The following EPB42 variants were observed in gnomAD, a reference collection of about 807,000 sequenced individuals.
The protein encoded by EPB42 is protein 4.2.
Under a neutral mutation model 76.9 loss-of-function variants are expected in EPB42, and 49 were observed. That is an observed-to-expected ratio of 0.64 (90% confidence interval 0.51 to 0.81). The LOEUF (loss-of-function observed/expected upper bound fraction) is 0.81, where lower values mean the gene tolerates loss of function less well. Among genes scored for constraint, EPB42 ranks in the 30% least tolerant of loss-of-function variants. EPB42 has a pLI of 0.00. For synonymous variants in EPB42, 310 were observed against 338.4 expected (o/e 0.92, Z 0.92); for missense variants, 731 against 867.6 (o/e 0.84, Z 1.98).
chr15:43,208,301 G>A lies in EPB42; in HGVS notation c.1004C>T (p.Thr335Met), dbSNP rs1363841649. ...IFQTSTECWM[T>M]RPALPQGYDG... Reference sequence around the variant, plus strand: ...ATAACCCTGGGGCAAGGCAGGCCGCGTCATCCAGCACTCTGTGGAAGTCTG... The same window carrying A: ...ATAACCCTGGGGCAAGGCAGGCCGCATCATCCAGCACTCTGTGGAAGTCTG... The change falls in exon 8 of 13, where the codon ACG becomes ATG. Residue 335 changes from threonine (T) to methionine (M), a missense_variant. Transcript: ENST00000441366. 9 of 1,614,128 alleles carry A rather than the reference G, an allele frequency of 5.6e-6. No homozygotes were observed. The highest frequency in any genetic ancestry group is 4.5e-5 in the East Asian group (2 of 44,878).
chr15:43,216,457 T>C lies in EPB42; in HGVS notation c.11-4A>G, dbSNP rs2042381223. ...TCACAGCTCTTGATACCCAGGGCTG[T>C]TGTGGGAAAGAGAGAAGTCACGGAA... is the stretch of plus-strand genomic sequence containing the variant. On this transcript the variant is annotated splice_region_variant and splice_polypyrimidine_tract_variant and intron_variant, in intron 1 of 12. Coordinates refer to ENST00000441366, the MANE Select transcript of EPB42 (RefSeq NM_001114134.2). 6.2e-7 allele frequency: 1 copy of C among 1,613,992 alleles called. No homozygotes were observed. The highest frequency in any genetic ancestry group is 8.5e-7 in the Non-Finnish European group (1 of 1,180,020).
chr15:43,225,695 A>G (rs2042501935), upstream of EPB42, among the ~76,000 whole-genome samples: 1 of 152,178 alleles, frequency 6.6e-6, no homozygotes, highest in South Asian at 2.1e-4. Flanking sequence ...TTTCTCTGTC[A>G]AGTGTGCCAA....
In EPB42 at chr15:43,209,187, A is replaced by G; in HGVS notation, c.832+87T>C. ...GGAAATGCGGCCGCAGGGAGGCAGC[A>G]CCTGCTTTTGGAGATGTCCTTCCCA... On this transcript the variant is annotated intron_variant, in intron 6 of 12. Coordinates refer to ENST00000441366, the MANE Select transcript of EPB42 (RefSeq NM_001114134.2). 4 of 1,492,692 alleles carry G rather than the reference A, an allele frequency of 2.7e-6. No homozygotes were observed. In the South Asian group the frequency reaches 4.5e-5, roughly 17 times the overall value. The allele number at this position is 1,492,692 out of a possible 1,614,324, so 92.5% of individuals were successfully genotyped here. A position where few individuals can be genotyped will look rare whatever the true frequency, so the allele number is the denominator to read the frequency against.
intron 6 of EPB42, 21 bp downstream of exon 6, chr15:43,209,253 A>G (rs1327697341): frequency 1.2e-6 from 2 of 1,613,824 alleles, no homozygotes; most frequent in South Asian, 2.2e-5. Flanking sequence ...AGGGCACTCT[A>G]CAGGAGACAA....
In EPB42 at chr15:43,203,332, C is replaced by A; in HGVS notation, c.1619-57G>T. ...ACAGGTGTATGTACCCCAGAAACAG[C>A]CATAGTTACACACACAATACAAAGG... On this transcript the variant is annotated intron_variant, in intron 10 of 12. Transcript: ENST00000441366. 4 of 1,605,636 alleles carry A rather than the reference C, an allele frequency of 2.5e-6. No individual in the cohort carries two copies. The South Asian group carries it at 4.4e-5, about 18-fold the overall frequency.
chr15:43,212,369 C>CAAAAAA (rs35031544), intron 3 of EPB42, among the ~76,000 whole-genome samples: 8 of 86,804 alleles, frequency 9.2e-5, no homozygotes, highest in East Asian at 5.9e-4. Context: ...AACTCCGTCT[C>CAAAAAA]AAAAAAAAAA....
At chr15:43,214,201 A>G (rs1274238179) in intron 3 of EPB42, among the ~76,000 whole-genome samples, 1 of 152,192 alleles carries the variant, frequency 6.6e-6, no homozygotes, top group African/African-American at 2.4e-5. Context: ...GCAAAGACAG[A>G]CACAATCTTC....
intron 8 of EPB42, 115 bp from the exon 9 acceptor site, chr15:43,207,556 G>A: frequency 6.6e-7 from 1 of 1,522,614 alleles, no homozygotes; most frequent in South Asian, 1.2e-5. Flanking sequence ...CGAGGACCAA[G>A]GTCAGAGGTG....
chr15:43,206,143 T>C lies in EPB42; in HGVS notation c.1618+187A>G. The C allele has an allele frequency of 1.6e-6, 1 of 631,988 alleles. No individual in the cohort carries two copies. The highest frequency in any genetic ancestry group is 2.6e-6 in the Non-Finnish European group (1 of 382,960). 39.1% of individuals were successfully genotyped at this position (631,988 alleles called of 1,614,324 possible). On this transcript the variant is annotated intron_variant, in intron 10 of 12. Coordinates refer to ENST00000441366, the MANE Select transcript of EPB42 (RefSeq NM_001114134.2). This position sits in a 1 kb window ranked among gnomAD's most constrained non-coding sequence, Gnocchi z 4.7. ...CTGACTGCAGTTGGCATCGTGTTTT[T>C]TTCCTGCTTCAGGCCCAATAAATAT...
chr15:43,215,417 G>T lies in EPB42; in HGVS notation c.197-89C>A, dbSNP rs1596417130. The T allele has an allele frequency of 2.1e-6, 3 of 1,423,068 alleles. No individual in the cohort carries two copies. The East Asian group carries it at 6.8e-5, about 32-fold the overall frequency. The allele number at this position is 1,423,068 out of a possible 1,614,324, so 88.2% of individuals were successfully genotyped here. On this transcript the variant is annotated intron_variant, in intron 2 of 12. Coordinates refer to ENST00000441366, the MANE Select transcript of EPB42 (RefSeq NM_001114134.2). ...TCAGGGTATTACAAAGATGGAGCAG[G>T]TGAAATTTGTTTTTGGAGGATAATG...
chr15:43,220,566 C>T (rs572919891), intron 1 of EPB42, among the ~76,000 whole-genome samples: 135 of 152,098 alleles, frequency 8.9e-4, no homozygotes, highest in African/African-American at 3.2e-3. Context: ...CCATCACCTC[C>T]GCCTCCGCCT....
intron 7 of EPB42, 34 bp from the exon 8 acceptor site, chr15:43,208,367 A>G: frequency 6.2e-7 from 1 of 1,604,078 alleles, no homozygotes. Context: ...TCAAGTGGGA[A>G]AGAAAACGAG....
intron 10 of EPB42, among the ~76,000 whole-genome samples, chr15:43,205,156 C>A (rs1014714449): frequency 1.3e-5 from 2 of 152,144 alleles, no homozygotes; most frequent in African/African-American, 2.4e-5. Context: ...AAAACTCAAA[C>A]TCCTTAGCAA....
At chr15:43,223,212 G>A (rs141511730), upstream of EPB42, among the ~76,000 whole-genome samples, 7,210 of 152,234 alleles carry the variant, frequency 0.047, 568 homozygotes, top group African/African-American at 0.16. Context: ...AGCTACTTGG[G>A]AGGCTGAGGC....
chr15:43,210,225 G>A lies in EPB42; in HGVS notation c.654+110C>T. On this transcript the variant is annotated intron_variant, in intron 5 of 12. Coordinates refer to ENST00000441366, the MANE Select transcript of EPB42 (RefSeq NM_001114134.2). ...GAACTGTCCCCACACCCTGGGAGGA[G>A]GGGGCCATTTGTGATTTGGGGGTTT... is the stretch of plus-strand genomic sequence containing the variant. 3.2e-6 allele frequency: 3 copies of A among 937,700 alleles called. No homozygotes were observed. In the South Asian group the frequency reaches 3.9e-5, roughly 12 times the overall value. The allele number at this position is 937,700 out of a possible 1,614,324, so 58.1% of individuals were successfully genotyped here. A position where few individuals can be genotyped will look rare whatever the true frequency, so the allele number is the denominator to read the frequency against.
At chr15:43,210,233 T>G in intron 5 of EPB42, 102 bp downstream of exon 5, 1 of 1,008,374 alleles carries the variant, frequency 9.9e-7, no homozygotes, top group Non-Finnish European at 1.6e-6. Flanking sequence ...GAGGGGGCCA[T>G]TTGTGATTTG....
At position 43,207,338 on chromosome 15, in the gene EPB42, A is replaced by G; in HGVS notation, c.1179T>C (p.Cys393=). The G allele has an allele frequency of 6.2e-7, 1 of 1,614,224 alleles. No individual in the cohort carries two copies. The highest frequency in any genetic ancestry group is 8.5e-7 in the Non-Finnish European group (1 of 1,180,034). The change falls in exon 9 of 13, where the codon TGT becomes TGC. Residue 393 remains cysteine, a synonymous_variant. Transcript: ENST00000441366. ...SDLFAAINAS[C]VVWKCCEDGT... is the part of the protein sequence containing the mutation. ...CATCCTCACAGCACTTCCAGACCAC[A>G]CATGAGGCATTTATGGCAGCAAAAA...
rs372531519 is a variant in EPB42 at position 43,220,837 on chromosome 15, G to A, written c.-12C>T. ...TCACCCTGTCCCATGGTTGCAGGCC[G>A]CTCCTCTTATCCACTTGGCCGCAGA... On this transcript the variant is annotated 5_prime_UTR_variant, in exon 1 of 13. Transcript: ENST00000441366. The A allele has an allele frequency of 1.8e-5, 29 of 1,609,014 alleles. No individual in the cohort carries two copies. Among genetic ancestry groups the A allele is most frequent in the East Asian group, 4.5e-5 (2 of 44,894 alleles).
intron 12 of EPB42, 107 bp downstream of exon 12, chr15:43,201,737 T>C (rs1394069128): frequency 6.6e-7 from 1 of 1,506,736 alleles, no homozygotes; most frequent in African/African-American, 1.4e-5. Flanking sequence ...TTTCTAGGGG[T>C]ATCTGCTGTC....
Sources: allele counts gnomAD v4.1 joint callset (sites outside exome capture counted in the v4.1 genomes callset), GRCh38; gene constraint gnomAD v4.1.1; non-coding constraint Gnocchi (gnomAD v3.1); transcripts MANE v1.5; gene names NCBI Gene and HGNC (gene_info 2026-07-23, HGNC 2026-07-21).